Variants in RHOBTB1 observed in about 807,000 individuals in gnomAD.
RHOBTB1 encodes the protein Rho related BTB domain containing 1.
Under a neutral mutation model 71.6 loss-of-function variants are expected in RHOBTB1, and 40 were observed. The observed-to-expected ratio is 0.56, with a 90% confidence interval of 0.43 to 0.73. The LOEUF is 0.73. RHOBTB1 is among the 30% of genes least tolerant of loss of function. The pLI is 0.00. For synonymous variants in RHOBTB1, 319 were observed against 334.9 expected, an observed-to-expected ratio of 0.95 and a Z score of 0.52; for missense variants, 797 against 894.0, an observed-to-expected ratio of 0.89 and a Z score of 1.38.
upstream of RHOBTB1, among the ~76,000 whole-genome samples, chr10:60,944,635 A>T (rs2085137191): frequency 6.6e-6 from 1 of 152,124 alleles, no homozygotes; most frequent in Admixed American, 6.5e-5. Context: ...TGGAAAAGTA[A>T]GTTGGGCCAC....
chr10:60,928,755 T>G (rs1565013985), intron 2 of RHOBTB1, among the ~76,000 whole-genome samples: 2 of 152,188 alleles, frequency 1.3e-5, no homozygotes, highest in African/African-American at 4.8e-5. Flanking sequence ...ATTTATTGTA[T>G]AGTTAAAAAT....
intron 1 of RHOBTB1, among the ~76,000 whole-genome samples, chr10:60,990,722 A>T (rs1302422039): frequency 6.6e-6 from 1 of 152,040 alleles, no homozygotes; most frequent in African/African-American, 2.4e-5. Flanking sequence ...CTGGGCCATT[A>T]TGGGTTTGAT....
intron 2 of RHOBTB1, among the ~76,000 whole-genome samples, chr10:60,927,781 A>C (rs2083976186): frequency 6.6e-6 from 1 of 152,206 alleles, no homozygotes; most frequent in African/African-American, 2.4e-5. Flanking sequence ...ATATTGAGGA[A>C]ACACTCTAGG....
intron 2 of RHOBTB1, among the ~76,000 whole-genome samples, chr10:60,911,878 T>C (rs889622950): frequency 1.3e-5 from 2 of 152,128 alleles, no homozygotes; most frequent in African/African-American, 4.8e-5. Context: ...CTGGCACACA[T>C]TTATAGCCTA....
chr10:60,949,209 G>A (rs1004046962), intron 2 of RHOBTB1, among the ~76,000 whole-genome samples: 2 of 152,146 alleles, frequency 1.3e-5, no homozygotes, highest in Admixed American at 6.5e-5. Flanking sequence ...GCTTCTCCAA[G>A]GTGCTTCTGA....
At chr10:60,884,093 G>A (rs1470699875) in intron 7 of RHOBTB1, among the ~76,000 whole-genome samples, 2 of 152,212 alleles carry the variant, frequency 1.3e-5, no homozygotes, top group Non-Finnish European at 2.9e-5. Flanking sequence ...AAAGCAGATA[G>A]CCTTTTGCTG....
At chr10:60,991,149 T>C (rs2134959936) in intron 1 of RHOBTB1, among the ~76,000 whole-genome samples, 1 of 152,294 alleles carries the variant, frequency 6.6e-6, no homozygotes, top group East Asian at 1.9e-4. Context: ...ATTTCACTGA[T>C]ATGCATACTC....
downstream of RHOBTB1, among the ~76,000 whole-genome samples, chr10:60,865,901 G>A (rs1047172026): frequency 2.6e-5 from 4 of 152,122 alleles, no homozygotes; most frequent in Non-Finnish European, 4.4e-5. Context: ...GTGTTATCTC[G>A]GCTTACTGCA....
At chr10:60,873,918 A>C (rs2132222754) in intron 9 of RHOBTB1, among the ~76,000 whole-genome samples, 1 of 152,328 alleles carries the variant, frequency 6.6e-6, no homozygotes, top group Middle Eastern at 3.4e-3. Context: ...AAAAATAACA[A>C]ATACTTGTTG....
chr10:60,959,779 T>A (rs2085717835), intron 2 of RHOBTB1, among the ~76,000 whole-genome samples: 1 of 152,186 alleles, frequency 6.6e-6, no homozygotes, highest in Non-Finnish European at 1.5e-5. Flanking sequence ...GAATCAGAAC[T>A]GAGTAAATCC....
At chr10:60,960,775 A>T (rs1228846975) in intron 2 of RHOBTB1, among the ~76,000 whole-genome samples, 1 of 152,078 alleles carries the variant, frequency 6.6e-6, no homozygotes, top group African/African-American at 2.4e-5. Context: ...GCACCCTTTG[A>T]TGTCAGTGGG....
At chr10:60,955,043 C>CTTTTTTT (rs34012455) in intron 2 of RHOBTB1, among the ~76,000 whole-genome samples, 7 of 112,820 alleles carry the variant, frequency 6.2e-5, no homozygotes, top group African/African-American at 9.9e-5. Flanking sequence ...TTCTTTCTTT[C>CTTTTTTT]TTTTTTTTTT....
intron 2 of RHOBTB1, among the ~76,000 whole-genome samples, chr10:60,982,325 C>T (rs986422285): frequency 6.6e-6 from 1 of 152,150 alleles, no homozygotes; most frequent in Admixed American, 6.5e-5. Context: ...GTTGACAGTA[C>T]TCAGTACGGA....
chr10:60,973,000 C>A (rs574345259), intron 2 of RHOBTB1, among the ~76,000 whole-genome samples: 25 of 152,020 alleles, frequency 1.6e-4, no homozygotes, highest in African/African-American at 4.6e-4. Flanking sequence ...ATCCTTAAAC[C>A]GTGACTATAG....
intron 2 of RHOBTB1, among the ~76,000 whole-genome samples, chr10:60,937,094 T>C (rs2084632752): frequency 6.6e-6 from 1 of 152,142 alleles, no homozygotes; most frequent in South Asian, 2.1e-4. Flanking sequence ...AAAAAAAATA[T>C]CAAAGCAGTA....
intron 2 of RHOBTB1, among the ~76,000 whole-genome samples, chr10:60,959,233 T>C (rs1240676903): frequency 6.6e-6 from 1 of 152,188 alleles, no homozygotes; most frequent in Non-Finnish European, 1.5e-5. Context: ...GGCCACATAT[T>C]TGCTGCTTAG....
chr10:60,970,945 C>G (rs1460802961), intron 2 of RHOBTB1, among the ~76,000 whole-genome samples: 1 of 152,022 alleles, frequency 6.6e-6, no homozygotes, highest in East Asian at 1.9e-4. Context: ...ATATGCATAA[C>G]TCACCATTTT....
intron 4 of RHOBTB1, among the ~76,000 whole-genome samples, chr10:60,901,766 G>A (rs1369994472): frequency 6.6e-6 from 1 of 152,200 alleles, no homozygotes; most frequent in African/African-American, 2.4e-5. Context: ...TTATTAAGCA[G>A]TAATAGAAAA....
intron 2 of RHOBTB1, among the ~76,000 whole-genome samples, chr10:60,961,551 G>T (rs1296900205): frequency 6.6e-6 from 1 of 152,130 alleles, no homozygotes; most frequent in African/African-American, 2.4e-5. Flanking sequence ...CATGGATCTA[G>T]ATTCAGAATG....
Sources: allele counts gnomAD v4.1 joint callset (sites outside exome capture counted in the v4.1 genomes callset), GRCh38; gene constraint gnomAD v4.1.1; transcripts MANE v1.5; gene names NCBI Gene and HGNC (gene_info 2026-07-23, HGNC 2026-07-21).